The following KDM4D variants were observed in gnomAD, a reference collection of about 807,000 sequenced individuals.
KDM4D encodes the protein lysine-specific demethylase 4D.
For synonymous variants in KDM4D, 254 were observed against 249.1 expected (o/e 1.02, Z -0.19); for missense variants, 427 against 674.8 (o/e 0.63, Z 4.07).
At position 94,990,944 on chromosome 11, in the gene KDM4D, A is replaced by AT. The variant is rs587729440; in HGVS notation, c.-349-6074dup. Among the ~76,000 whole-genome samples, 10 of 152,324 alleles carry AT rather than the reference A, an allele frequency of 6.6e-5. No homozygotes were observed. In the South Asian group the frequency reaches 1.7e-3, roughly 25 times the overall value. ...ACACCCTGGCAGAAGATTGAGCTTC[A>AT]TTTTTTCTAGAGTGAGGAAAAAGGT... On this transcript the variant is annotated intron_variant, in intron 2 of 2. Coordinates refer to ENST00000335080, the MANE Select transcript of KDM4D (RefSeq NM_018039.3).
At chr11:94,989,261 C>G (rs1249940718) in intron 2 of KDM4D, among the ~76,000 whole-genome samples, 5 of 151,982 alleles carry the variant, frequency 3.3e-5, no homozygotes, top group Non-Finnish European at 7.4e-5. Context: ...CATGTAAGTC[C>G]AAACTTACAT....
In KDM4D at chr11:94,998,492, C is replaced by T. The variant is rs937177841; in HGVS notation, c.1120C>T (p.Leu374=). ...VQLPRRAALG[L]RQLPSHWARH... is the part of the protein sequence containing the mutation. ...GTTACCCAGGAGAGCAGCGCTGGGC[C>T]TGAGACAACTCCCTTCCCACTGGGC... Residue 374 remains leucine (L), a synonymous_variant, in exon 3 of 3, where the codon CTG becomes TTG. Transcript: ENST00000335080. The surrounding 1 kb of genome is among the most constrained non-coding windows in gnomAD (Gnocchi z 6.7). 5 of 1,612,292 alleles carry T rather than the reference C, an allele frequency of 3.1e-6. No homozygotes were observed. Among genetic ancestry groups the T allele is most frequent in the Admixed American group, 1.7e-5 (1 of 60,016 alleles).
intron 2 of KDM4D, among the ~76,000 whole-genome samples, chr11:94,993,708 A>G (rs1390662648): frequency 1.3e-5 from 2 of 152,066 alleles, no homozygotes; most frequent in Non-Finnish European, 2.9e-5. Context: ...TTACTTGTAT[A>G]TTCAAAAAAA....
chr11:94,997,646 A>C lies in KDM4D; in HGVS notation c.274A>C (p.Lys92Gln). Reference protein sequence around the residue: ...RAGVFTQYHKKKKAMTVGEYR... With the variant: ...RAGVFTQYHKQKKAMTVGEYR... ...AGGGGTGTTTACTCAATACCATAAA[A>C]AAAAGAAAGCCATGACTGTGGGGGA... Residue 92 changes from lysine (K) to glutamine (Q), a missense_variant, in exon 3 of 3, where the codon AAA (lysine) becomes CAA (glutamine). Coordinates refer to ENST00000335080, the MANE Select transcript of KDM4D (RefSeq NM_018039.3). 1.2e-6 allele frequency: 2 copies of C among 1,614,054 alleles called. No individual in the cohort carries two copies. Among genetic ancestry groups the C allele is most frequent in the Non-Finnish European group, 1.7e-6 (2 of 1,180,012 alleles).
At chr11:94,994,114 G>T (rs1857957903) in intron 2 of KDM4D, among the ~76,000 whole-genome samples, 1 of 152,158 alleles carries the variant, frequency 6.6e-6, no homozygotes, top group Non-Finnish European at 1.5e-5. Flanking sequence ...ACACCCTGGG[G>T]TGTCTAGATG....
intron 2 of KDM4D, among the ~76,000 whole-genome samples, chr11:94,989,623 T>C (rs1374215159): frequency 1.3e-5 from 2 of 152,200 alleles, no homozygotes; most frequent in African/African-American, 4.8e-5. Context: ...GCCGTGTGTC[T>C]TTCTCCTTTA....
intron 2 of KDM4D, among the ~76,000 whole-genome samples, chr11:94,990,019 A>G (rs984147466): frequency 1.3e-5 from 2 of 152,160 alleles, no homozygotes; most frequent in Non-Finnish European, 2.9e-5. Flanking sequence ...TCGGCCTCCC[A>G]AAGTGCTGGG....
intron 2 of KDM4D, among the ~76,000 whole-genome samples, chr11:94,987,008 C>T (rs1555098193): frequency 6.6e-6 from 1 of 152,172 alleles, no homozygotes; most frequent in African/African-American, 2.4e-5. Context: ...CTGATATATA[C>T]TACAACATGG....
chr11:94,986,320 TG>T (rs1373779903), intron 2 of KDM4D, among the ~76,000 whole-genome samples: 1 of 152,206 alleles, frequency 6.6e-6, no homozygotes, highest in Non-Finnish European at 1.5e-5. Context: ...CCAGCCTTGG[TG>T]GCTCGCACCT....
At chr11:94,992,374 C>T (rs1459100317) in intron 2 of KDM4D, among the ~76,000 whole-genome samples, 2 of 151,554 alleles carry the variant, frequency 1.3e-5, no homozygotes, top group Non-Finnish European at 2.9e-5. Flanking sequence ...CACCCTGGGA[C>T]CCTATTAGAA....
rs1252018598 is a variant in KDM4D, at chr11:94,980,947, G to A, written c.-350+5199G>A. 5.9e-5 allele frequency among the ~76,000 whole-genome samples: 9 copies of A among 152,098 alleles called. No homozygotes were observed. In the East Asian group the frequency reaches 1.7e-3, roughly 29 times the overall value. ...TGTTGGTTAGGACTTCCAAGATAAT[G>A]TTGAATAAAAATGCTGATAGCAAGC... On this transcript the variant is annotated intron_variant, in intron 2 of 2. Coordinates refer to ENST00000335080, the MANE Select transcript of KDM4D (RefSeq NM_018039.3).
chr11:94,983,826 G>A (rs1857862146), intron 2 of KDM4D, among the ~76,000 whole-genome samples: 1 of 152,152 alleles, frequency 6.6e-6, no homozygotes, highest in Admixed American at 6.5e-5. Flanking sequence ...GCACCTGGAG[G>A]TGTGGAGAAA....
intron 2 of KDM4D, among the ~76,000 whole-genome samples, chr11:94,990,526 T>C (rs1857925993): frequency 6.6e-6 from 1 of 152,230 alleles, no homozygotes; most frequent in South Asian, 2.1e-4. Context: ...GCAATAAAGA[T>C]GTGGTTTAAA....
chr11:94,976,238 A>G (rs1448546491), intron 2 of KDM4D, among the ~76,000 whole-genome samples: 1 of 152,218 alleles, frequency 6.6e-6, no homozygotes, highest in South Asian at 2.1e-4. Context: ...CAGTCCTCTT[A>G]TGCTCTCCTA....
At chr11:94,985,225 A>C (rs1857875338) in intron 2 of KDM4D, among the ~76,000 whole-genome samples, 1 of 152,342 alleles carries the variant, frequency 6.6e-6, no homozygotes, top group South Asian at 2.1e-4. Flanking sequence ...TAGCTTGCTA[A>C]AAACCACTAA....
chr11:94,983,713 TCA>T (rs1404906580), intron 2 of KDM4D, among the ~76,000 whole-genome samples: 1 of 151,826 alleles, frequency 6.6e-6, no homozygotes, highest in Non-Finnish European at 1.5e-5. Flanking sequence ...AGTAAACAAG[TCA>T]CACAATAATA....
At chr11:94,975,224 C>G (rs1408319515) in intron 1 of KDM4D, among the ~76,000 whole-genome samples, 1 of 152,116 alleles carries the variant, frequency 6.6e-6, no homozygotes, top group African/African-American at 2.4e-5. Context: ...GTTTTCCTAC[C>G]CCCACCCCTC....
At chr11:94,991,919 AAAC>A (rs1353971571) in intron 2 of KDM4D, among the ~76,000 whole-genome samples, 5 of 152,170 alleles carry the variant, frequency 3.3e-5, no homozygotes, top group Admixed American at 3.3e-4. Context: ...AACCTAAAAT[AAAC>A]AACACACATA....
chr11:94,978,484 T>C (rs1857817119), intron 2 of KDM4D, among the ~76,000 whole-genome samples: 1 of 152,158 alleles, frequency 6.6e-6, no homozygotes, highest in Non-Finnish European at 1.5e-5. Context: ...ACCAACAAAA[T>C]CTTGATTTTA....
Sources: allele counts gnomAD v4.1 joint callset (sites outside exome capture counted in the v4.1 genomes callset), GRCh38; gene constraint gnomAD v4.1.1; non-coding constraint Gnocchi (gnomAD v3.1); transcripts MANE v1.5; gene names NCBI Gene and HGNC (gene_info 2026-07-23, HGNC 2026-07-21).